Variants in BNIP5 observed in about 807,000 individuals in gnomAD.
The protein encoded by BNIP5 is protein BNIP5.
In BNIP5, 61 loss-of-function variants were observed where a neutral mutation model predicts 67.3. The ratio of observed to expected loss-of-function variants is 0.91; its 90% CI spans 0.74 to 1.12. BNIP5 has a LOEUF of 1.12. Among genes scored for constraint, BNIP5 ranks in the 50% most tolerant of loss-of-function variants. The probability of loss-of-function intolerance (pLI) is 0.00; values close to 1 mark genes in which losing one functional copy is unlikely to be tolerated. For synonymous variants in BNIP5, 317 were observed against 319.0 expected (o/e 0.99, Z 0.07); for missense variants, 826 against 816.3 (o/e 1.01, Z -0.14).
intron 5 of BNIP5, among the ~76,000 whole-genome samples, chr6:36,326,049 C>T (rs958473095): frequency 3.1e-4 from 47 of 152,312 alleles, no homozygotes; most frequent in Non-Finnish European, 5.6e-4. Context: ...CATCTGATGG[C>T]TGTGAGGACT....
rs1349616938 is a variant in BNIP5 at position 36,316,533 on chromosome 6, G to A, written c.*823C>T. On this transcript the variant is annotated 3_prime_UTR_variant, in exon 12 of 12. Transcript: ENST00000437635. ...GTACCTCCTGGAGTATGGTGCTCTT[G>A]AGCAGTGCACCCCTGTGCAACAATC... 5.0e-6 allele frequency: 2 copies of A among 398,514 alleles called. No homozygotes were observed. The highest frequency in any genetic ancestry group is 3.6e-5 in the East Asian group (1 of 28,096). The allele number at this position is 398,514 out of a possible 1,614,324, so 24.7% of individuals were successfully genotyped here.
At chr6:36,331,747 C>G (rs1396288837) in intron 1 of BNIP5, among the ~76,000 whole-genome samples, 1 of 152,100 alleles carries the variant, frequency 6.6e-6, no homozygotes, top group Non-Finnish European at 1.5e-5. Flanking sequence ...GCAGGCTGGT[C>G]TCAAACTCCT....
At chr6:36,328,936 C>A (rs1357928160) in intron 2 of BNIP5, among the ~76,000 whole-genome samples, 3 of 152,090 alleles carry the variant, frequency 2.0e-5, no homozygotes, top group African/African-American at 4.8e-5. Context: ...CGCTAACCCC[C>A]TCCCCGCAAA....
chr6:36,332,195 C>T (rs1331028764), intron 1 of BNIP5, among the ~76,000 whole-genome samples: 1 of 152,200 alleles, frequency 6.6e-6, no homozygotes, highest in African/African-American at 2.4e-5. Flanking sequence ...GTCCTTCAGG[C>T]CCGCCTGCCT....
Position 36,319,411 on chromosome 6 carries a change from A to T in BNIP5, c.1868T>A (p.Met623Lys), listed in dbSNP as rs779323990. The T allele has an allele frequency of 3.3e-5, 54 of 1,614,024 alleles. No homozygotes were observed. The highest frequency in any genetic ancestry group is 4.3e-5 in the Non-Finnish European group (51 of 1,180,038). The stretch of plus-strand genomic sequence containing the variant: ...GCAATTGTAGTGGTCTCTTAGGCCC[A>T]TGAGGATGCACATGGCATGGCTGTT... ...GSNSHAMCIL[M>K]GLRDHYNCTQ... The change falls in exon 11 of 12, where the codon ATG becomes AAG. Residue 623 changes from methionine (M) to lysine (K), a missense_variant. By Grantham distance (95) the Met-to-Lys change is moderately conservative. Coordinates refer to ENST00000437635, the MANE Select transcript of BNIP5 (RefSeq NM_001010903.5).
At chr6:36,332,685 G>A (rs553927182) in intron 1 of BNIP5, among the ~76,000 whole-genome samples, 53 of 151,616 alleles carry the variant, frequency 3.5e-4, no homozygotes, top group Middle Eastern at 3.4e-3. Flanking sequence ...ATGAAGCAGC[G>A]GCCAATGAAA....
chr6:36,331,799 G>A (rs560806935), intron 1 of BNIP5, among the ~76,000 whole-genome samples: 5 of 152,158 alleles, frequency 3.3e-5, no homozygotes, highest in Admixed American at 2.0e-4. Context: ...CAAAGTGCTG[G>A]GATTACAGGC....
At chr6:36,334,441 A>G (rs951261308) in intron 1 of BNIP5, among the ~76,000 whole-genome samples, 1 of 152,054 alleles carries the variant, frequency 6.6e-6, no homozygotes, top group Admixed American at 6.5e-5. Flanking sequence ...AGTATTTGAT[A>G]CCAGCCCTAC....
In BNIP5 at chr6:36,325,313, C is replaced by G. The variant is rs746761553; in HGVS notation, c.1138G>C (p.Glu380Gln). The G allele has an allele frequency of 1.2e-6, 2 of 1,614,056 alleles. No homozygotes were observed. The highest frequency in any genetic ancestry group is 1.7e-6 in the Non-Finnish European group (2 of 1,180,042). Residue 380 changes from glutamate (E) to glutamine (Q), a missense_variant, in exon 6 of 12, where the codon GAG becomes CAG. Transcript: ENST00000437635. ...TCCGAGGCTCTGTCCAGCGGAAGCT[C>G]CTCTCCAGGTTCCTGGCTCTCTGAT... ...TPSESQEPGE[E>Q]LPLDRASEYK...
At position 36,323,626 on chromosome 6, in the gene BNIP5, G is replaced by T; in HGVS notation, c.1231-93C>A. The T allele has an allele frequency of 2.8e-6, 4 of 1,419,994 alleles. No homozygotes were observed. The South Asian group carries it at 4.8e-5, about 17-fold the overall frequency. 88.0% of individuals were successfully genotyped at this position (1,419,994 alleles called of 1,614,324 possible). On this transcript the variant is annotated intron_variant, in intron 7 of 11. Transcript: ENST00000437635. ...AAAGAGAGCCACGGTGGGCTAGCAGGCGTTGCCCAGAGAAGAGTGGTTGAT... is the reference window on the plus strand; with the variant it reads ...AAAGAGAGCCACGGTGGGCTAGCAGTCGTTGCCCAGAGAAGAGTGGTTGAT...
At chr6:36,328,799 G>A (rs1490640776) in intron 2 of BNIP5, 85 bp from the exon 3 acceptor site, 4 of 859,832 alleles carry the variant, frequency 4.7e-6, no homozygotes, top group Admixed American at 1.7e-5. Context: ...TCATCAACAC[G>A]AGAAAACAGC....
rs1172662681 is a variant in BNIP5 at position 36,326,687 on chromosome 6, G to A, written c.859C>T (p.Gln287Ter). ...CTCTTGAGGCTTGTCTTTTTCTCTT[G>A]GGATTTCTTCCTAACAGCTGGTGCT... ...NPAPAVRKKSQEKKTSLKRTS... is the reference protein window; with the variant it reads ...NPAPAVRKKS The change falls in exon 5 of 12, where the codon CAA becomes TAA. Residue 287 changes from glutamine (Q) to a stop codon, truncating the protein, a stop_gained. Coordinates refer to ENST00000437635, the MANE Select transcript of BNIP5 (RefSeq NM_001010903.5). LOFTEE classifies it high-confidence loss of function. The A allele has an allele frequency of 6.2e-7, 1 of 1,614,214 alleles. No homozygotes were observed. The highest frequency in any genetic ancestry group is 1.3e-5 in the African/African-American group (1 of 75,064).
chr6:36,330,756 GTTTGT>G (rs1253913162), intron 1 of BNIP5, 62 bp from the exon 2 acceptor site: 4 of 1,500,654 alleles, frequency 2.7e-6, no homozygotes, highest in Non-Finnish European at 3.5e-6. Flanking sequence ...TTGTTTGTTT[GTTTGT>G]TTTGTTTGTT....
rs1488302102 is a variant in BNIP5 at position 36,330,325 on chromosome 6, C to T, written c.366G>A (p.Arg122=). 1.2e-6 allele frequency: 2 copies of T among 1,614,100 alleles called. No homozygotes were observed. Among genetic ancestry groups the T allele is most frequent in the Non-Finnish European group, 1.7e-6 (2 of 1,180,046 alleles). ...PEEPREKASR[R]PRGKEGISQH... ...GGGAGATACCCTCCTTCCCCCTTGGCCTCCTGCTGGCCTTTTCTCTGGGCT... is the reference window on the plus strand; with the variant it reads ...GGGAGATACCCTCCTTCCCCCTTGGTCTCCTGCTGGCCTTTTCTCTGGGCT... Residue 122 remains arginine (R), a synonymous_variant, in exon 2 of 12, where the codon AGG becomes AGA. Transcript: ENST00000437635.
intron 1 of BNIP5, among the ~76,000 whole-genome samples, chr6:36,333,915 G>A (rs1771957950): frequency 6.6e-6 from 1 of 152,192 alleles, no homozygotes; most frequent in South Asian, 2.1e-4. Context: ...CAAAACCACA[G>A]AACCAGGACA....
rs892080006 is a variant in BNIP5 at position 36,315,848 on chromosome 6, T to C, written c.*1508A>G. ...ATCAGGAGCACATACCAAATACTCA[T>C]AGGGCTTAAAGAACATCATTCCAAA... On this transcript the variant is annotated 3_prime_UTR_variant, in exon 12 of 12. Coordinates refer to ENST00000437635, the MANE Select transcript of BNIP5 (RefSeq NM_001010903.5). 3.9e-5 allele frequency: 6 copies of C among 152,634 alleles called. No homozygotes were observed. Among genetic ancestry groups the C allele is most frequent in the African/African-American group, 1.4e-4 (6 of 41,446 alleles). The allele number at this position is 152,634 out of a possible 1,614,324, so 9.5% of individuals were successfully genotyped here. A position where few individuals can be genotyped will look rare whatever the true frequency, so the allele number is the denominator to read the frequency against.
rs1764191433 is a variant in BNIP5, at chr6:36,317,157, C to T, written c.*199G>A. ...CCAGTGCTGATTTCCCCAGACATGG[C>T]CTCTGTGTCTTGCCTTGTGGAAGAA... On this transcript the variant is annotated 3_prime_UTR_variant, in exon 12 of 12. Coordinates refer to ENST00000437635, the MANE Select transcript of BNIP5 (RefSeq NM_001010903.5). 3 of 617,458 alleles carry T rather than the reference C, an allele frequency of 4.9e-6. No homozygotes were observed. The highest frequency in any genetic ancestry group is 1.8e-5 in the African/African-American group (1 of 54,278). 38.2% of individuals were successfully genotyped at this position (617,458 alleles called of 1,614,324 possible). A position where few individuals can be genotyped will look rare whatever the true frequency, so the allele number is the denominator to read the frequency against.
At chr6:36,326,253 G>A (rs571084550) in intron 5 of BNIP5, among the ~76,000 whole-genome samples, 5 of 152,314 alleles carry the variant, frequency 3.3e-5, no homozygotes, top group Admixed American at 1.3e-4. Flanking sequence ...AAATGTTGAC[G>A]GTTGGGAAAT....
chr6:36,321,005 ATT>A (rs1191142851), intron 10 of BNIP5, 148 bp downstream of exon 10: 2 of 608,078 alleles, frequency 3.3e-6, no homozygotes, highest in Non-Finnish European at 5.9e-6. Context: ...CAAGTAGGTA[ATT>A]CTCTCTCATT....
Sources: gnomAD v4.1 joint callset for allele counts (sites outside exome capture counted in the v4.1 genomes callset) on GRCh38, gnomAD v4.1.1 for gene constraint, MANE v1.5 for transcripts, NCBI Gene and HGNC (gene_info 2026-07-23, HGNC 2026-07-21) for gene names.